Variants in MAGI1 observed in about 807,000 individuals in gnomAD.
The protein encoded by MAGI1 is membrane associated guanylate kinase, WW and PDZ domain containing 1, also known as membrane-associated guanylate kinase, WW and PDZ domain-containing protein 1.
A neutral mutation model predicts 139.9 loss-of-function variants in MAGI1; 58 were observed. That is an observed-to-expected ratio of 0.41 (90% CI 0.34 to 0.52). The LOEUF (loss-of-function observed/expected upper bound fraction) is 0.52. Ranked by LOEUF, MAGI1 falls within the 20% of genes least tolerant of loss-of-function variation. The pLI is 0.12. For missense variants in MAGI1, 1,874 were observed against 1,901.6 expected (o/e 0.99, Z 0.27); for synonymous variants, 812 against 737.9 (o/e 1.10, Z -1.63).
rs540454692 is a variant in MAGI1, at chr3:65,998,250, T to C, written c.313+39746A>G. On this transcript the variant is annotated intron_variant, in intron 1 of 22. Transcript: ENST00000402939. ...GGGTATGTGCTGAAATGACAGTGTG[T>C]CATGTCAGTCCCAGGACCAGGCTGC... Among the ~76,000 whole-genome samples, 10 of 152,242 alleles carry C rather than the reference T, an allele frequency of 6.6e-5. 1 individual carries two copies. The South Asian group carries it at 1.7e-3, about 25-fold the overall frequency.
At chr3:65,737,556 G>A (rs933622530) in intron 1 of MAGI1, among the ~76,000 whole-genome samples, 11 of 152,196 alleles carry the variant, frequency 7.2e-5, no homozygotes, top group African/African-American at 1.7e-4. Context: ...TTCCAATACA[G>A]GAAAGGAGAG....
intron 1 of MAGI1, among the ~76,000 whole-genome samples, chr3:65,705,274 G>C (rs545636115): frequency 6.7e-6 from 1 of 150,092 alleles, no homozygotes; most frequent in African/African-American, 2.5e-5. Flanking sequence ...CTCTGCCCTA[G>C]AAAATTTCAC....
At chr3:65,891,740 G>C (rs2060757303) in intron 1 of MAGI1, among the ~76,000 whole-genome samples, 1 of 92,384 alleles carries the variant, frequency 1.1e-5, no homozygotes, top group East Asian at 3.9e-4. Context: ...GGCCTGTTGT[G>C]GGGTGGGGGG....
chr3:65,379,451 C>G lies in MAGI1; in HGVS notation c.2805G>C (p.Gln935His). The G allele has an allele frequency of 6.2e-7, 1 of 1,614,032 alleles. No homozygotes were observed. Among genetic ancestry groups the G allele is most frequent in the Non-Finnish European group, 8.5e-7 (1 of 1,179,932 alleles). Residue 935 changes from glutamine to histidine, a missense_variant, in exon 17 of 23, where the codon CAG (glutamine) becomes CAC (histidine). Coordinates refer to ENST00000402939, the MANE Select transcript of MAGI1 (RefSeq NM_001033057.2). ...CCGAGCTCACCGTGTTCAGCGAGTT[C>G]TGGCTGCCCTGCGGAGTGCGCTTCT... ...TEEKRTPQGS[Q>H]NSLNTVSSGS...
intron 2 of MAGI1, among the ~76,000 whole-genome samples, chr3:65,535,499 G>C (rs2078922824): frequency 6.6e-6 from 1 of 152,148 alleles, no homozygotes; most frequent in Admixed American, 6.5e-5. Flanking sequence ...TTGTGTTCAA[G>C]AAAAAGAACA....
intron 1 of MAGI1, among the ~76,000 whole-genome samples, chr3:65,833,276 G>A (rs1315759844): frequency 2.6e-5 from 4 of 152,016 alleles, no homozygotes; most frequent in Admixed American, 6.6e-5. Flanking sequence ...GCACCACTAC[G>A]CTCAGCTAAT....
At chr3:65,597,672 A>G (rs897032912) in intron 2 of MAGI1, 11 of 456,248 alleles carry the variant, frequency 2.4e-5, no homozygotes, top group African/African-American at 1.8e-4. Flanking sequence ...CCACAACCCA[A>G]GCTCAAACCT....
At chr3:65,846,163 G>A (rs2058987079) in intron 1 of MAGI1, among the ~76,000 whole-genome samples, 2 of 152,286 alleles carry the variant, frequency 1.3e-5, no homozygotes, top group South Asian at 4.1e-4. Flanking sequence ...TATAAATCCA[G>A]CAGCCACCAG....
intron 2 of MAGI1, among the ~76,000 whole-genome samples, chr3:65,504,544 A>G (rs2077203291): frequency 6.6e-6 from 1 of 152,196 alleles, no homozygotes; most frequent in Non-Finnish European, 1.5e-5. Context: ...TACACAAAGA[A>G]GACATTGGGG....
rs1176899313 is a variant in MAGI1, at chr3:65,812,468, T to TCTCTCTCACACACA, written c.314-190381_314-190380insTGTGTGTGAGAGAG. Among the ~76,000 whole-genome samples the TCTCTCTCACACACA allele has an allele frequency of 7.0e-3, 620 of 89,116 alleles. 6 individuals carry two copies. The highest frequency in any genetic ancestry group is 0.019 in the African/African-American group (593 of 31,258). 58.5% of individuals were successfully genotyped at this position (89,116 alleles called of 152,430 possible). ...CTTTCTCTCTCTCTCTCTCTCTCTC[T>TCTCTCTCACACACA]CACACACACACACACACACACACTT... On this transcript the variant is annotated intron_variant, in intron 1 of 22. Transcript: ENST00000402939.
intron 1 of MAGI1, among the ~76,000 whole-genome samples, chr3:66,000,885 T>C (rs933516781): frequency 1.2e-4 from 18 of 152,330 alleles, no homozygotes; most frequent in African/African-American, 3.8e-4. Flanking sequence ...CTAAAGTGCT[T>C]CACAGCCATT....
intron 1 of MAGI1, among the ~76,000 whole-genome samples, chr3:65,802,431 C>T (rs1200922582): frequency 1.3e-5 from 2 of 152,074 alleles, no homozygotes; most frequent in Admixed American, 6.6e-5. Flanking sequence ...TCATGAGTTA[C>T]TCGTGTAATT....
At chr3:65,674,849 A>G (rs112590044) in intron 1 of MAGI1, among the ~76,000 whole-genome samples, 139 of 152,326 alleles carry the variant, frequency 9.1e-4, no homozygotes, top group Non-Finnish European at 1.6e-3. Flanking sequence ...AAAAATGAGG[A>G]TTAATCTCAT....
At chr3:65,649,437 A>G (rs1244328860) in intron 1 of MAGI1, among the ~76,000 whole-genome samples, 1 of 152,190 alleles carries the variant, frequency 6.6e-6, no homozygotes, top group South Asian at 2.1e-4. Flanking sequence ...GGATCTAGGC[A>G]AAGTTTTCTC....
chr3:66,027,828 T>G (rs945803782), intron 1 of MAGI1, among the ~76,000 whole-genome samples: 17 of 152,268 alleles, frequency 1.1e-4, no homozygotes, highest in African/African-American at 3.6e-4. Context: ...GTGTACATTG[T>G]GGGGTGTTCA....
intron 1 of MAGI1, among the ~76,000 whole-genome samples, chr3:66,012,377 A>G (rs2067368212): frequency 6.6e-6 from 1 of 152,180 alleles, no homozygotes; most frequent in African/African-American, 2.4e-5. Context: ...TCCTATAAAT[A>G]TAAATATGAG....
chr3:65,770,327 A>G (rs911607235), intron 1 of MAGI1, among the ~76,000 whole-genome samples: 3 of 152,232 alleles, frequency 2.0e-5, no homozygotes, highest in African/African-American at 7.2e-5. Context: ...TATTAAAAGT[A>G]TGAAAAATGC....
intron 2 of MAGI1, among the ~76,000 whole-genome samples, chr3:65,590,213 C>A (rs956847367): frequency 6.6e-6 from 1 of 152,170 alleles, no homozygotes; most frequent in African/African-American, 2.4e-5. Flanking sequence ...TCTCTTACAA[C>A]CCATGTGACG....
intron 1 of MAGI1, among the ~76,000 whole-genome samples, chr3:65,653,374 C>T (rs559595754): frequency 2.0e-5 from 3 of 152,262 alleles, no homozygotes; most frequent in Admixed American, 2.0e-4. Context: ...TTCTAAAAGA[C>T]GAATCTGATT....
Sources: allele counts gnomAD v4.1 joint callset (sites outside exome capture counted in the v4.1 genomes callset), GRCh38; gene constraint gnomAD v4.1.1; transcripts MANE v1.5; gene names NCBI Gene and HGNC (gene_info 2026-07-23, HGNC 2026-07-21).